PDE4D: variants seen among roughly 807,000 people sequenced by gnomAD.
The protein encoded by PDE4D is 3',5'-cyclic-AMP phosphodiesterase 4D.
PDE4D carries 24 observed loss-of-function variants against 87.4 expected under a neutral mutation model. The ratio of observed to expected loss-of-function variants is 0.27; its 90% CI spans 0.20 to 0.39. PDE4D has a LOEUF of 0.39. PDE4D is among the 10% of genes least tolerant of loss of function. PDE4D has a pLI of 1.00. For synonymous variants in PDE4D, 384 were observed against 383.2 expected, an observed-to-expected ratio of 1.00 and a Z score of -0.02; for missense variants, 714 against 1,041.0, an observed-to-expected ratio of 0.69 and a Z score of 4.32.
chr5:60,166,932 C>T (rs1782962295), intron 2 of PDE4D, among the ~76,000 whole-genome samples: 1 of 151,932 alleles, frequency 6.6e-6, no homozygotes, highest in Admixed American at 6.6e-5. Context: ...TATTAAAATG[C>T]CCTTATGTGT....
intron 3 of PDE4D, among the ~76,000 whole-genome samples, chr5:59,955,771 C>A (rs1758762024): frequency 6.6e-6 from 1 of 152,142 alleles, no homozygotes; most frequent in South Asian, 2.1e-4. Context: ...TGCTTTACAA[C>A]CCTCCCTCCC....
chr5:59,605,173 T>C (rs1279017415), intron 1 of PDE4D, among the ~76,000 whole-genome samples: 2 of 152,106 alleles, frequency 1.3e-5, no homozygotes, highest in Non-Finnish European at 2.9e-5. Context: ...TTATTATGTA[T>C]AAAGACAATT....
At chr5:59,108,955 ATGTG>A (rs57004711) in intron 5 of PDE4D, among the ~76,000 whole-genome samples, 2,134 of 121,806 alleles carry the variant, frequency 0.018, 29 homozygotes, top group African/African-American at 0.033. Flanking sequence ...TAGGAACTCA[ATGTG>A]TGTGTGTGTG....
intron 5 of PDE4D, among the ~76,000 whole-genome samples, chr5:59,158,646 AT>A (rs1446872910): frequency 6.6e-6 from 1 of 152,168 alleles, no homozygotes; most frequent in Non-Finnish European, 1.5e-5. Context: ...AGAGGCATGC[AT>A]TTTTTTATAA....
chr5:59,375,503 C>T (rs1477098204), intron 1 of PDE4D, among the ~76,000 whole-genome samples: 9 of 152,100 alleles, frequency 5.9e-5, no homozygotes, highest in African/African-American at 1.4e-4. Flanking sequence ...AGCTGAATCC[C>T]TGAATGGACT....
At chr5:59,160,349 G>C (rs1013429762) in intron 5 of PDE4D, among the ~76,000 whole-genome samples, 1 of 151,886 alleles carries the variant, frequency 6.6e-6, no homozygotes, top group Non-Finnish European at 1.5e-5. Flanking sequence ...TATATTTTTT[G>C]TAACTATCTC....
At chr5:59,898,520 G>T (rs1159302167), upstream of PDE4D, among the ~76,000 whole-genome samples, 1 of 152,158 alleles carries the variant, frequency 6.6e-6, no homozygotes, top group Admixed American at 6.5e-5. Context: ...CTAATCTGAG[G>T]CCAAGACCTC....
intron 11 of PDE4D, among the ~76,000 whole-genome samples, chr5:58,987,326 CCTAAA>C (rs906980829): frequency 2.0e-5 from 3 of 152,078 alleles, no homozygotes; most frequent in Non-Finnish European, 4.4e-5. Context: ...TAAATAAGTT[CCTAAA>C]CTAAACTTGT....
intron 5 of PDE4D, among the ~76,000 whole-genome samples, chr5:59,118,015 T>C (rs560184173): frequency 6.6e-6 from 1 of 152,304 alleles, no homozygotes; most frequent in Admixed American, 6.5e-5. Context: ...AATTCCAACA[T>C]GGACATGTAT....
chr5:60,194,395 C>G (rs1261259163), intron 1 of PDE4D, among the ~76,000 whole-genome samples: 1 of 151,716 alleles, frequency 6.6e-6, no homozygotes, highest in Non-Finnish European at 1.5e-5. Flanking sequence ...CAACTTCTTG[C>G]TACTTCACGG....
rs565448268 is a variant in PDE4D at position 60,376,884 on chromosome 5, T to C, written c.-90+111058A>G. On this transcript the variant is annotated intron_variant, in intron 1 of 16. Coordinates refer to the PDE4D transcript ENST00000502484. Reference sequence around the variant, plus strand: ...AAATGTCTCAACCTCTGATCCATGGTCCTTCAACACTCAGTCTAAATTGGA... The same window carrying C: ...AAATGTCTCAACCTCTGATCCATGGCCCTTCAACACTCAGTCTAAATTGGA... 4.5e-4 allele frequency among the ~76,000 whole-genome samples: 68 copies of C among 152,338 alleles called. No homozygotes were observed. In the South Asian group the frequency reaches 0.014, roughly 31 times the overall value.
intron 3 of PDE4D, among the ~76,000 whole-genome samples, chr5:59,910,608 T>C (rs954254401): frequency 2.0e-5 from 3 of 152,210 alleles, no homozygotes; most frequent in Non-Finnish European, 4.4e-5. Context: ...GTTATAAGCA[T>C]CATTTTGACT....
At chr5:60,490,008 C>A (rs972430458), upstream of PDE4D, 1 of 152,188 alleles carries the variant, frequency 6.6e-6, no homozygotes, top group African/African-American at 2.4e-5. Flanking sequence ...TGTCCAAGAC[C>A]GTCACCAGCA....
At position 60,357,599 on chromosome 5, in the gene PDE4D, T is replaced by G. The variant is rs1759729046; in HGVS notation, c.-90+130343A>C. ...GACTAAACTTTTATGTCTTTCTACT[T>G]GGAATTTTTACTAGATTTCTATCTT... is the stretch of plus-strand genomic sequence containing the variant. On this transcript the variant is annotated intron_variant, in intron 1 of 16. Transcript: ENST00000502484. Among the ~76,000 whole-genome samples the G allele has an allele frequency of 1.3e-5, 2 of 152,174 alleles. 1 individual carries two copies. Among genetic ancestry groups the G allele is most frequent in the South Asian group, 4.1e-4 (2 of 4,830 alleles).
intron 2 of PDE4D, among the ~76,000 whole-genome samples, chr5:60,100,594 G>T (rs921138667): frequency 6.6e-6 from 1 of 151,958 alleles, no homozygotes; most frequent in Non-Finnish European, 1.5e-5. Context: ...TACCACTTGG[G>T]AAACAAAAGA....
chr5:59,011,524 T>A (rs1024233994), intron 6 of PDE4D, among the ~76,000 whole-genome samples: 1 of 152,082 alleles, frequency 6.6e-6, no homozygotes, highest in Admixed American at 6.6e-5. Flanking sequence ...GCCAATTCCA[T>A]CAACTGGAAG....
intron 1 of PDE4D, among the ~76,000 whole-genome samples, chr5:59,342,969 CT>C (rs61034507): frequency 0.11 from 16,297 of 145,856 alleles, 973 homozygotes; most frequent in East Asian, 0.22. Context: ...TAGAAATTTT[CT>C]TTTTTTTTTT....
intron 1 of PDE4D, among the ~76,000 whole-genome samples, chr5:59,651,172 C>A (rs918564437): frequency 6.6e-6 from 1 of 151,134 alleles, no homozygotes; most frequent in Non-Finnish European, 1.5e-5. Flanking sequence ...AGGAGAATGG[C>A]GTGAACCCAG....
At chr5:59,838,391 G>A (rs931496547) in intron 1 of PDE4D, among the ~76,000 whole-genome samples, 3 of 152,042 alleles carry the variant, frequency 2.0e-5, no homozygotes, top group Non-Finnish European at 2.9e-5. Flanking sequence ...AAGGGATGCC[G>A]GATCTCCAGT....
Sources: gnomAD v4.1 joint callset for allele counts (sites outside exome capture counted in the v4.1 genomes callset) on GRCh38, gnomAD v4.1.1 for gene constraint, MANE v1.5 for transcripts, NCBI Gene and HGNC (gene_info 2026-07-23, HGNC 2026-07-21) for gene names.